The following RTN1 variants were observed in gnomAD, a reference collection of about 807,000 sequenced individuals.
The protein encoded by RTN1 is reticulon-1.
In RTN1, 25 loss-of-function variants were observed where a neutral mutation model predicts 65.5. The ratio of observed to expected loss-of-function variants is 0.38; its 90% confidence interval spans 0.28 to 0.53. The LOEUF is 0.53. RTN1 is among the 20% of genes least tolerant of loss of function. The pLI, the probability that RTN1 is intolerant of heterozygous loss-of-function variation, is 0.79. For missense variants in RTN1, 983 were observed against 1,025.4 expected (o/e 0.96, Z 0.57); for synonymous variants, 471 against 447.6 (o/e 1.05, Z -0.66).
rs892973343 is a variant in RTN1 at position 59,596,262 on chromosome 14, T to C, written c.*483A>G. 1 of 152,846 alleles carries C rather than the reference T, an allele frequency of 6.5e-6. No homozygotes were observed. The highest frequency in any genetic ancestry group is 1.5e-5 in the Non-Finnish European group (1 of 68,182). The allele number at this position is 152,846 out of a possible 1,614,324, so 9.5% of individuals were successfully genotyped here. ...GCGGTCGACTGCTTTTATTTTTACG[T>C]TGTGTGTGTTGGAAAAATGCTAAAA... is the stretch of plus-strand genomic sequence containing the variant. On this transcript the variant is annotated 3_prime_UTR_variant, in exon 9 of 9. Coordinates refer to ENST00000267484, the MANE Select transcript of RTN1 (RefSeq NM_021136.3).
chr14:59,646,354 G>C (rs1882896379), intron 3 of RTN1, among the ~76,000 whole-genome samples: 1 of 152,224 alleles, frequency 6.6e-6, no homozygotes, highest in Non-Finnish European at 1.5e-5. Context: ...CCCTGAAAGG[G>C]ATTGGGGGAA....
At chr14:59,749,983 T>A (rs1453571260) in intron 1 of RTN1, among the ~76,000 whole-genome samples, 1 of 86,422 alleles carries the variant, frequency 1.2e-5, no homozygotes, top group African/African-American at 5.0e-5. Flanking sequence ...ATATATTATA[T>A]ATTATATACA....
intron 1 of RTN1, among the ~76,000 whole-genome samples, chr14:59,856,581 T>C (rs1488443477): frequency 6.6e-6 from 1 of 152,118 alleles, no homozygotes; most frequent in African/African-American, 2.4e-5. Flanking sequence ...CATCAGGACA[T>C]GGGAAACGCA....
chr14:59,704,392 G>A (rs945306682), intron 3 of RTN1, among the ~76,000 whole-genome samples: 3 of 152,140 alleles, frequency 2.0e-5, no homozygotes, highest in African/African-American at 7.2e-5. Context: ...TTCTCCTTAT[G>A]TCTTTGTGAG....
At chr14:59,660,145 G>C (rs1883213992) in intron 3 of RTN1, among the ~76,000 whole-genome samples, 1 of 152,066 alleles carries the variant, frequency 6.6e-6, no homozygotes, top group East Asian at 1.9e-4. Flanking sequence ...GACAAAGAAG[G>C]CCATTACATA....
intron 3 of RTN1, among the ~76,000 whole-genome samples, chr14:59,686,701 C>T (rs544764929): frequency 6.6e-6 from 1 of 152,308 alleles, no homozygotes; most frequent in Non-Finnish European, 1.5e-5. Flanking sequence ...TCCTCTGTGA[C>T]TCACCTTTCC....
At position 59,750,002 on chromosome 14, in the gene RTN1, ATATACATATATATTATATAT is replaced by A. The variant is rs1462270732; in HGVS notation, c.242-3541_242-3522del. Among the ~76,000 whole-genome samples the A allele has an allele frequency of 1.8e-4, 18 of 98,644 alleles. 1 individual carries two copies. The highest frequency in any genetic ancestry group is 7.3e-4 in the Admixed American group (4 of 5,472). 64.7% of individuals were successfully genotyped at this position (98,644 alleles called of 152,430 possible). On this transcript the variant is annotated intron_variant, in intron 1 of 8. Coordinates refer to ENST00000267484, the MANE Select transcript of RTN1 (RefSeq NM_021136.3). Reference sequence around the variant, plus strand: ...ATTATATATTATATACATATATATTATATACATATATATTATATATTATATTATATACATATATTATATAT... The same window carrying A: ...ATTATATATTATATACATATATATTATATATTATATACATATATTATATAT...
At chr14:59,866,476 A>G (rs557786792) in intron 1 of RTN1, among the ~76,000 whole-genome samples, 1 of 152,280 alleles carries the variant, frequency 6.6e-6, no homozygotes, top group Admixed American at 6.5e-5. Context: ...TAAGTTCATG[A>G]AGGGAAAGTT....
At chr14:59,638,487 C>G (rs1022104527) in intron 3 of RTN1, among the ~76,000 whole-genome samples, 1 of 152,150 alleles carries the variant, frequency 6.6e-6, no homozygotes, top group African/African-American at 2.4e-5. Context: ...CTAGAATGTT[C>G]TGAATAGTAA....
rs545812019 is a variant in RTN1 at position 59,766,923 on chromosome 14, G to A, written c.242-20442C>T. Among the ~76,000 whole-genome samples, 24 of 152,174 alleles carry A rather than the reference G, an allele frequency of 1.6e-4. No individual in the cohort carries two copies. Among genetic ancestry groups the A allele is most frequent in the African/African-American group, 5.5e-4 (23 of 41,516 alleles). On this transcript the variant is annotated intron_variant, in intron 1 of 8. Coordinates refer to ENST00000267484, the MANE Select transcript of RTN1 (RefSeq NM_021136.3). The surrounding 1 kb of genome is among the most constrained non-coding windows in gnomAD (Gnocchi z 4.4). ...TTAACTCCACCCATCCCAGTATATC[G>A]GGCACTGAGCACCTACTATGTGGTA... is the stretch of plus-strand genomic sequence containing the variant.
intron 1 of RTN1, among the ~76,000 whole-genome samples, chr14:59,850,179 T>G (rs1304487673): frequency 6.6e-6 from 1 of 152,228 alleles, no homozygotes; most frequent in Non-Finnish European, 1.5e-5. Flanking sequence ...TTTTCCCTTA[T>G]GTTATACAGG....
At chr14:59,779,029 G>A (rs554255502) in intron 1 of RTN1, among the ~76,000 whole-genome samples, 2 of 152,304 alleles carry the variant, frequency 1.3e-5, no homozygotes, top group East Asian at 1.9e-4. Context: ...AGGAGCAGGG[G>A]AGTCTGGAAA....
At chr14:59,788,000 T>C (rs1178261094) in intron 1 of RTN1, among the ~76,000 whole-genome samples, 1 of 152,202 alleles carries the variant, frequency 6.6e-6, no homozygotes, top group African/African-American at 2.4e-5. Flanking sequence ...TTTCTTACCC[T>C]TTTCCCCAAT....
intron 2 of RTN1, among the ~76,000 whole-genome samples, chr14:59,735,446 C>A (rs117698070): frequency 0.027 from 4,045 of 152,146 alleles, 88 homozygotes; most frequent in Non-Finnish European, 0.037. Flanking sequence ...AAGTGGCAGG[C>A]TGAATAAAGA....
intron 1 of RTN1, among the ~76,000 whole-genome samples, chr14:59,780,742 A>AT (rs1886139719): frequency 6.6e-6 from 1 of 152,254 alleles, no homozygotes; most frequent in Admixed American, 6.5e-5. Context: ...TTGCCACAAC[A>AT]TAAGTTCATT....
chr14:59,606,411 G>GT, intron 4 of RTN1, among the ~76,000 whole-genome samples: 1 of 152,206 alleles, frequency 6.6e-6, no homozygotes, highest in African/African-American at 2.4e-5. Context: ...GTGGGGCCTT[G>GT]TGGGGGTGAT....
At chr14:59,797,502 T>C (rs537280246) in intron 1 of RTN1, among the ~76,000 whole-genome samples, 3 of 152,188 alleles carry the variant, frequency 2.0e-5, no homozygotes, top group Non-Finnish European at 4.4e-5. Flanking sequence ...AAGTCCATTG[T>C]GCAATCAGTA....
chr14:59,862,379 G>A (rs1332289086), intron 1 of RTN1, among the ~76,000 whole-genome samples: 1 of 151,780 alleles, frequency 6.6e-6, no homozygotes, highest in African/African-American at 2.4e-5. Flanking sequence ...CTTTCTTCTG[G>A]ACTCCTCCAA....
At position 59,750,401 on chromosome 14, in the gene RTN1, A is replaced by G. The variant is rs1440252802; in HGVS notation, c.242-3920T>C. Among the ~76,000 whole-genome samples, 3 of 43,942 alleles carry G rather than the reference A, an allele frequency of 6.8e-5. 1 individual carries two copies. The highest frequency in any genetic ancestry group is 8.3e-5 in the Non-Finnish European group (2 of 24,018). 28.8% of individuals were successfully genotyped at this position (43,942 alleles called of 152,430 possible). ...ATATTATATATTATATCTATAATATATATATTATATGTATAATATATAATA... is the reference window on the plus strand; with the variant it reads ...ATATTATATATTATATCTATAATATGTATATTATATGTATAATATATAATA... On this transcript the variant is annotated intron_variant, in intron 1 of 8. Coordinates refer to ENST00000267484, the MANE Select transcript of RTN1 (RefSeq NM_021136.3).
Sources: gnomAD v4.1 joint callset for allele counts (sites outside exome capture counted in the v4.1 genomes callset) on GRCh38, gnomAD v4.1.1 for gene constraint, Gnocchi (gnomAD v3.1) non-coding constraint, MANE v1.5 for transcripts, NCBI Gene and HGNC (gene_info 2026-07-23, HGNC 2026-07-21) for gene names.